Variants in COL8A1 observed in about 807,000 individuals in gnomAD.
The protein encoded by COL8A1 is collagen type VIII alpha 1 chain.
Under a neutral mutation model 42.7 loss-of-function variants are expected in COL8A1, and 21 were observed. The ratio of observed to expected loss-of-function variants is 0.49; its 90% CI spans 0.35 to 0.71. The LOEUF (loss-of-function observed/expected upper bound fraction) is 0.71. COL8A1 is among the 30% of genes least tolerant of loss of function. The pLI is 0.01. For missense variants in COL8A1, 788 were observed against 962.4 expected (o/e 0.82, Z 2.40); for synonymous variants, 367 against 369.1 (o/e 0.99, Z 0.06).
intron 1 of COL8A1, among the ~76,000 whole-genome samples, chr3:99,682,856 AG>A (rs1938930921): frequency 1.1e-5 from 1 of 94,744 alleles, no homozygotes; most frequent in African/African-American, 3.6e-5. Context: ...TGTTGTGTTT[AG>A]CACTCAGTGG....
chr3:99,775,238 T>C (rs566748602), intron 2 of COL8A1, among the ~76,000 whole-genome samples: 1 of 152,290 alleles, frequency 6.6e-6, no homozygotes, highest in African/African-American at 2.4e-5. Flanking sequence ...TCATCAATCA[T>C]GGCTAAAGAA....
intron 1 of COL8A1, among the ~76,000 whole-genome samples, chr3:99,649,418 G>T (rs1284758238): frequency 1.3e-5 from 2 of 152,096 alleles, no homozygotes; most frequent in Non-Finnish European, 2.9e-5. Flanking sequence ...AAAATAAGTT[G>T]ACGGTGAATA....
chr3:99,696,976 A>ATTTTTTTTTT (rs34865022), intron 1 of COL8A1, among the ~76,000 whole-genome samples: 3 of 88,058 alleles, frequency 3.4e-5, no homozygotes, highest in Non-Finnish European at 6.4e-5. Flanking sequence ...ATATACACAA[A>ATTTTTTTTTT]TTTTTTTTTT....
chr3:99,665,006 C>T (rs1444096305), intron 1 of COL8A1, among the ~76,000 whole-genome samples: 8 of 152,210 alleles, frequency 5.3e-5, no homozygotes, highest in Non-Finnish European at 1.0e-4. Context: ...GAATTTCAGT[C>T]CAGCTACCAT....
intron 1 of COL8A1, among the ~76,000 whole-genome samples, chr3:99,674,837 A>G (rs1938646974): frequency 6.6e-6 from 1 of 152,142 alleles, no homozygotes; most frequent in African/African-American, 2.4e-5. Flanking sequence ...TGATAAAGTA[A>G]TAGTGATCCT....
intron 3 of COL8A1, among the ~76,000 whole-genome samples, chr3:99,793,821 A>G (rs1718245): frequency 0.74 from 112,230 of 151,708 alleles, 42,109 homozygotes; most frequent in African/African-American, 0.88. Context: ...GTGTGATCTC[A>G]GCTCACTGCA....
chr3:99,679,102 G>A (rs1036663037), intron 1 of COL8A1: 3 of 152,186 alleles, frequency 2.0e-5, no homozygotes, highest in African/African-American at 4.8e-5. Context: ...AAAGCTTTCA[G>A]AGCTTGAGAA....
At chr3:99,736,248 T>G (rs1268353115) in intron 1 of COL8A1, among the ~76,000 whole-genome samples, 1 of 152,146 alleles carries the variant, frequency 6.6e-6, no homozygotes, top group Non-Finnish European at 1.5e-5. Context: ...GATGTTAGGG[T>G]GTCAATTTTG....
chr3:99,675,473 G>T (rs1217270580), intron 1 of COL8A1, among the ~76,000 whole-genome samples: 5 of 152,036 alleles, frequency 3.3e-5, no homozygotes, highest in Non-Finnish European at 4.4e-5. Context: ...TACTGGAAAA[G>T]TGCACTATAA....
In COL8A1 at chr3:99,798,163, C is replaced by G. The variant is rs1029973799; in HGVS notation, c.*2027C>G. On this transcript the variant is annotated 3_prime_UTR_variant, in exon 4 of 4. Transcript: ENST00000652472. ...CAAAAATTCTTCTCTTGGCCAATAT[C>G]TCATTTCCCTATATAGTATACAAGC... is the stretch of plus-strand genomic sequence containing the variant. The G allele has an allele frequency of 6.6e-6, 1 of 152,168 alleles. No individual in the cohort carries two copies. The highest frequency in any genetic ancestry group is 2.4e-5 in the African/African-American group (1 of 41,440). 9.4% of individuals were successfully genotyped at this position (152,168 alleles called of 1,614,324 possible).
In COL8A1 at chr3:99,796,658, G is replaced by A. The variant is rs1942114359; in HGVS notation, c.*522G>A. 1 of 152,226 alleles carries A rather than the reference G, an allele frequency of 6.6e-6. No homozygotes were observed. Among genetic ancestry groups the A allele is most frequent in the Non-Finnish European group, 1.5e-5 (1 of 68,060 alleles). 9.4% of individuals were successfully genotyped at this position (152,226 alleles called of 1,614,324 possible). On this transcript the variant is annotated 3_prime_UTR_variant, in exon 4 of 4. Transcript: ENST00000652472. ...CGTAGTGTTACCGCCCCAGTGGGAG[G>A]GGGCCCTGGGGACCCTGGTAATGCT...
At chr3:99,755,156 A>C (rs897824541) in intron 2 of COL8A1, among the ~76,000 whole-genome samples, 17 of 152,216 alleles carry the variant, frequency 1.1e-4, no homozygotes, top group African/African-American at 3.9e-4. Flanking sequence ...AGTGTAAAGA[A>C]AAACAAAGGA....
At chr3:99,645,327 G>A (rs1044182458) in intron 1 of COL8A1, among the ~76,000 whole-genome samples, 13 of 152,178 alleles carry the variant, frequency 8.5e-5, no homozygotes, top group Admixed American at 7.9e-4. Flanking sequence ...AAAAGTACAT[G>A]AAGGAGGGCA....
chr3:99,745,530 T>C (rs1359917510), intron 2 of COL8A1, among the ~76,000 whole-genome samples: 1 of 152,214 alleles, frequency 6.6e-6, no homozygotes, highest in Admixed American at 6.5e-5. Context: ...ATTATCATAT[T>C]TCTCTTAATT....
intron 1 of COL8A1, among the ~76,000 whole-genome samples, chr3:99,741,649 G>T (rs1481767726): frequency 2.0e-5 from 3 of 152,166 alleles, no homozygotes; most frequent in Non-Finnish European, 4.4e-5. Context: ...AGATTTGCTG[G>T]CATTGTCAAC....
intron 1 of COL8A1, among the ~76,000 whole-genome samples, chr3:99,661,762 A>G (rs1172649028): frequency 6.6e-6 from 1 of 152,202 alleles, no homozygotes; most frequent in Non-Finnish European, 1.5e-5. Flanking sequence ...AATGTGGCAT[A>G]TATATTGTAT....
intron 2 of COL8A1, among the ~76,000 whole-genome samples, chr3:99,790,160 A>T (rs141091559): frequency 6.6e-6 from 1 of 152,180 alleles, no homozygotes; most frequent in Non-Finnish European, 1.5e-5. Flanking sequence ...TCGTTTTATC[A>T]TTCTCTGTGC....
At chr3:99,784,953 G>C (rs986704564) in intron 2 of COL8A1, among the ~76,000 whole-genome samples, 1 of 152,022 alleles carries the variant, frequency 6.6e-6, no homozygotes, top group Non-Finnish European at 1.5e-5. Flanking sequence ...ACCCTAAGGT[G>C]GGCTTATTTA....
chr3:99,752,544 C>G (rs1941172819), intron 2 of COL8A1, among the ~76,000 whole-genome samples: 1 of 152,038 alleles, frequency 6.6e-6, no homozygotes, highest in Non-Finnish European at 1.5e-5. Flanking sequence ...TACTTATCAC[C>G]CAAGGTCAGC....
Sources: gnomAD v4.1 joint callset for allele counts (sites outside exome capture counted in the v4.1 genomes callset) on GRCh38, gnomAD v4.1.1 for gene constraint, MANE v1.5 for transcripts, NCBI Gene and HGNC (gene_info 2026-07-23, HGNC 2026-07-21) for gene names.